Variants in EYS observed in about 807,000 individuals in gnomAD.
EYS encodes protein eyes shut homolog.
Under a neutral mutation model 282.1 loss-of-function variants are expected in EYS, and 250 were observed. The observed-to-expected ratio is 0.89, with a 90% confidence interval of 0.80 to 0.98. EYS has a LOEUF of 0.98. Ranked by LOEUF, EYS falls within the 50% of genes least tolerant of loss-of-function variation. EYS has a pLI of 0.00. For missense variants in EYS, 4,016 were observed against 3,709.0 expected, an observed-to-expected ratio of 1.08 and a Z score of -2.15; for synonymous variants, 1,355 against 1,282.9, an observed-to-expected ratio of 1.06 and a Z score of -1.20.
rs578061514 is a variant in EYS at position 64,822,822 on chromosome 6, C to T, written c.2993G>A (p.Gly998Asp). The T allele has an allele frequency of 4.5e-6, 7 of 1,547,286 alleles. No homozygotes were observed. The highest frequency in any genetic ancestry group is 1.7e-4 in the Middle Eastern group (1 of 5,972). Residue 998 changes from glycine to aspartate, a missense_variant and splice_region_variant, in exon 20 of 43, where the codon GGC becomes GAC. Physicochemically the swap from Gly to Asp is moderately conservative, Grantham distance 94. Transcript: ENST00000503581. ...YNCLCAPGYT[G>D]INCEINLDEC... ...ATCTAGATTTATTTCACAGTTGATG[C>T]CTGTGTTGGAACAGACAAGGCAAAA...
chr6:65,258,149 A>G (rs1449792814), intron 12 of EYS, among the ~76,000 whole-genome samples: 1 of 152,068 alleles, frequency 6.6e-6, no homozygotes, highest in Non-Finnish European at 1.5e-5. Context: ...AAAAATTTAA[A>G]TAAAGTTTTA....
chr6:64,632,319 A>C (rs202129301), intron 22 of EYS, among the ~76,000 whole-genome samples: 2,222 of 152,230 alleles, frequency 0.015, 45 homozygotes, highest in East Asian at 0.097. Context: ...AAAAAATTAA[A>C]GTATATATCT....
intron 22 of EYS, among the ~76,000 whole-genome samples, chr6:64,801,868 G>C (rs1764239958): frequency 6.6e-6 from 1 of 151,954 alleles, no homozygotes; most frequent in Non-Finnish European, 1.5e-5. Context: ...TAGTCGCTGA[G>C]GAGAGATTCT....
chr6:64,949,179 G>A (rs953888658), intron 14 of EYS, among the ~76,000 whole-genome samples: 2 of 151,702 alleles, frequency 1.3e-5, no homozygotes, highest in African/African-American at 2.4e-5. Context: ...TACAAGTTTC[G>A]TGTCTTAAAA....
chr6:65,353,550 T>G lies in EYS; in HGVS notation c.1367A>C (p.Gln456Pro). 6.2e-7 allele frequency: 1 copy of G among 1,613,270 alleles called. No homozygotes were observed. The highest frequency in any genetic ancestry group is 8.5e-7 in the Non-Finnish European group (1 of 1,179,474). The change falls in exon 9 of 43, where the codon CAA (glutamine) becomes CCA (proline). Residue 456 changes from glutamine (Q) to proline (P), a missense_variant. Physicochemically the swap from Gln to Pro is moderately conservative, Grantham distance 76. Transcript: ENST00000503581. ...WFLKNVYLIHQHLCYCGVTFH... is the reference protein window; with the variant it reads ...WFLKNVYLIHPHLCYCGVTFH... ...GGTGACTCCACAGTAGCAGAGGTGTTGATGAATTAGGTAAACATTCTTCAA... is the reference window on the plus strand; with the variant it reads ...GGTGACTCCACAGTAGCAGAGGTGTGGATGAATTAGGTAAACATTCTTCAA...
intron 36 of EYS, among the ~76,000 whole-genome samples, chr6:63,820,841 G>A (rs1042232747): frequency 1.3e-5 from 2 of 152,088 alleles, no homozygotes; most frequent in Non-Finnish European, 2.9e-5. Flanking sequence ...GATGATAGTA[G>A]TTTAACATAT....
chr6:65,110,675 T>TA lies in EYS; in HGVS notation c.2024-52949dup, dbSNP rs1221885962. 3.3e-5 allele frequency among the ~76,000 whole-genome samples: 5 copies of TA among 152,070 alleles called. 1 individual carries two copies. The South Asian group carries it at 1.0e-3, about 32-fold the overall frequency. On this transcript the variant is annotated intron_variant, in intron 12 of 42. Transcript: ENST00000503581. ...ATTCATCATATTAAAGTACATATTT[T>TA]AAAAATGTGTATCTTTTTTTCAAAA...
At chr6:65,645,851 A>G (rs1316756144) in intron 1 of EYS, among the ~76,000 whole-genome samples, 4 of 152,084 alleles carry the variant, frequency 2.6e-5, no homozygotes, top group Non-Finnish European at 5.9e-5. Context: ...AGATATTACT[A>G]TTGATACCAC....
chr6:64,046,373 C>A (rs1015698724), intron 33 of EYS, among the ~76,000 whole-genome samples: 7 of 152,092 alleles, frequency 4.6e-5, no homozygotes, highest in Non-Finnish European at 8.8e-5. Context: ...TTCTCTCTCT[C>A]TCTCTCACCA....
rs1260312589 is a variant in EYS at position 65,026,916 on chromosome 6, C to CAAAAAAAAAAAAAAAAAAAA, written c.2138-29214_2138-29213insTTTTTTTTTTTTTTTTTTTT. Among the ~76,000 whole-genome samples the CAAAAAAAAAAAAAAAAAAAA allele has an allele frequency of 3.0e-4, 32 of 107,826 alleles. 1 individual carries two copies. The highest frequency in any genetic ancestry group is 4.4e-4 in the Non-Finnish European group (22 of 50,358). 70.7% of individuals were successfully genotyped at this position (107,826 alleles called of 152,430 possible). On this transcript the variant is annotated intron_variant, in intron 13 of 42. Coordinates refer to ENST00000503581, the MANE Select transcript of EYS (RefSeq NM_001142800.2). The stretch of plus-strand genomic sequence containing the variant: ...TGGGCGACAGAGTGAGACTCCGTCT[C>CAAAAAAAAAAAAAAAAAAAA]AAAAAAAAAAAAAAGATTCAGATAT...
intron 26 of EYS, among the ~76,000 whole-genome samples, chr6:64,503,227 G>T (rs1202660207): frequency 6.6e-6 from 1 of 152,172 alleles, no homozygotes; most frequent in Non-Finnish European, 1.5e-5. Flanking sequence ...ACATTTGGCA[G>T]TTAAATTCTC....
chr6:65,491,276 C>T (rs919711750), intron 4 of EYS: 16 of 180,222 alleles, frequency 8.9e-5, no homozygotes, highest in Admixed American at 1.2e-4. Context: ...TATATACACA[C>T]ACACACACAC....
Position 65,089,812 on chromosome 6 carries a change from C to T in EYS, c.2024-32085G>A, listed in dbSNP as rs149456615. Among the ~76,000 whole-genome samples, 604 of 151,592 alleles carry T rather than the reference C, an allele frequency of 4.0e-3. 3 individuals are homozygous for T. Among genetic ancestry groups the T allele is most frequent in the African/African-American group, 0.014 (576 of 41,326 alleles). On this transcript the variant is annotated intron_variant, in intron 12 of 42. Transcript: ENST00000503581. ...CTACTAAACAAATGCAAAAATTAGC[C>T]GGGTATGGTGGCATGCACCTGTAAT...
intron 12 of EYS, among the ~76,000 whole-genome samples, chr6:65,076,286 T>C (rs1404236048): frequency 6.6e-6 from 1 of 152,058 alleles, no homozygotes; most frequent in Non-Finnish European, 1.5e-5. Flanking sequence ...GTCATCCAAG[T>C]TTGTATTATA....
At chr6:63,791,334 G>A (rs753262806) in intron 37 of EYS, among the ~76,000 whole-genome samples, 2 of 152,126 alleles carry the variant, frequency 1.3e-5, no homozygotes, top group Non-Finnish European at 2.9e-5. Context: ...GGGAGACCGA[G>A]GCGGGCAGAT....
intron 14 of EYS, among the ~76,000 whole-genome samples, chr6:64,957,016 G>T (rs1307810072): frequency 1.3e-5 from 2 of 152,066 alleles, no homozygotes; most frequent in African/African-American, 2.4e-5. Context: ...ACAATTTGAG[G>T]TTCCTCAAAA....
At chr6:65,299,344 T>C (rs912286340) in intron 11 of EYS, among the ~76,000 whole-genome samples, 7 of 152,122 alleles carry the variant, frequency 4.6e-5, no homozygotes, top group Non-Finnish European at 7.4e-5. Flanking sequence ...ATTTTATAAT[T>C]AGCACAAAAG....
In EYS at chr6:65,689,470, C is replaced by T. The variant is rs192270035; in HGVS notation, c.-448+17665G>A. ...AGCACACCAACATGGCACATGTATA[C>T]GTATGTAACTAACCTGCACGTTGTG... is the stretch of plus-strand genomic sequence containing the variant. On this transcript the variant is annotated intron_variant, in intron 1 of 42. Transcript: ENST00000503581. Among the ~76,000 whole-genome samples, 39 of 149,412 alleles carry T rather than the reference C, an allele frequency of 2.6e-4. 2 individuals are homozygous for T. The highest frequency in any genetic ancestry group is 2.3e-3 in the Admixed American group (34 of 14,822).
intron 1 of EYS, among the ~76,000 whole-genome samples, chr6:65,668,919 A>G (rs1030593098): frequency 5.9e-5 from 9 of 151,944 alleles, no homozygotes; most frequent in African/African-American, 2.2e-4. Flanking sequence ...AATTACTGCC[A>G]CTGCTAACTA....
Sources: gnomAD v4.1 joint callset for allele counts (sites outside exome capture counted in the v4.1 genomes callset) on GRCh38, gnomAD v4.1.1 for gene constraint, MANE v1.5 for transcripts, NCBI Gene and HGNC (gene_info 2026-07-23, HGNC 2026-07-21) for gene names.